PDSS2: variants seen among roughly 807,000 people sequenced by gnomAD.
The protein encoded by PDSS2 is all trans-polyprenyl-diphosphate synthase PDSS2.
In PDSS2, 31 loss-of-function variants were observed where a neutral mutation model predicts 44.5. That is an observed-to-expected ratio of 0.70 (90% CI 0.52 to 0.94). PDSS2 has a LOEUF of 0.94. PDSS2 is among the 40% of genes least tolerant of loss of function. PDSS2 has a pLI of 0.00. For missense variants in PDSS2, 452 were observed against 482.2 expected (o/e 0.94, Z 0.59); for synonymous variants, 157 against 180.3 (o/e 0.87, Z 1.03).
chr6:107,254,220 G>C (rs201074548), intron 3 of PDSS2, among the ~76,000 whole-genome samples: 3 of 151,904 alleles, frequency 2.0e-5, no homozygotes, highest in East Asian at 3.9e-4. Flanking sequence ...TTTTAGTAGA[G>C]ATGGGGTTTC....
At chr6:107,385,335 TA>T (rs201356582) in intron 1 of PDSS2, among the ~76,000 whole-genome samples, 2,843 of 142,160 alleles carry the variant, frequency 0.02, 60 homozygotes, top group East Asian at 0.12. Flanking sequence ...CCCTGTCTCT[TA>T]AAAAAAAAAA....
intron 1 of PDSS2, among the ~76,000 whole-genome samples, chr6:107,359,573 G>A (rs915257537): frequency 3.3e-5 from 5 of 150,034 alleles, no homozygotes; most frequent in African/African-American, 1.2e-4. Flanking sequence ...GCAGTGACCT[G>A]AGATTGTGCC....
intron 1 of PDSS2, among the ~76,000 whole-genome samples, chr6:107,421,010 A>C (rs573114056): frequency 6.6e-6 from 1 of 152,184 alleles, no homozygotes; most frequent in African/African-American, 2.4e-5. Context: ...GGAAACAAAC[A>C]GTCTATTTGA....
At chr6:107,267,216 A>G (rs1775437835) in intron 3 of PDSS2, among the ~76,000 whole-genome samples, 1 of 152,198 alleles carries the variant, frequency 6.6e-6, no homozygotes, top group Non-Finnish European at 1.5e-5. Context: ...AGGTACTATC[A>G]AGGTCCAGAA....
chr6:107,176,993 C>CA (rs1455863444), intron 7 of PDSS2, among the ~76,000 whole-genome samples: 3 of 150,768 alleles, frequency 2.0e-5, no homozygotes, highest in African/African-American at 7.3e-5. Context: ...AAAAAAAAAC[C>CA]AAAAAAACCT....
chr6:107,363,350 G>A (rs1436668444), intron 1 of PDSS2, among the ~76,000 whole-genome samples: 1 of 152,190 alleles, frequency 6.6e-6, no homozygotes, highest in Non-Finnish European at 1.5e-5. Flanking sequence ...AAGGTGGCGC[G>A]TCTGGAGTCT....
rs372362292 is a variant in PDSS2 at position 107,155,057 on chromosome 6, A to C, written c.1042-280T>G. ...GACTCCCATCCCTTAATATCTTGAAATGTGCCATGCTGGGGGATGGCAGTA... is the reference window on the plus strand; with the variant it reads ...GACTCCCATCCCTTAATATCTTGAACTGTGCCATGCTGGGGGATGGCAGTA... On this transcript the variant is annotated intron_variant, in intron 7 of 7. Coordinates refer to ENST00000369037, the MANE Select transcript of PDSS2 (RefSeq NM_020381.4). Among the ~76,000 whole-genome samples, 7 of 151,980 alleles carry C rather than the reference A, an allele frequency of 4.6e-5. No homozygotes were observed. In the South Asian group the frequency reaches 1.0e-3, roughly 23 times the overall value.
intron 7 of PDSS2, among the ~76,000 whole-genome samples, chr6:107,159,480 G>C (rs1437433300): frequency 5.4e-5 from 8 of 149,476 alleles, no homozygotes; most frequent in Non-Finnish European, 1.0e-4. Context: ...GCAGTGGCGC[G>C]ATCTTGGCTC....
intron 2 of PDSS2, among the ~76,000 whole-genome samples, chr6:107,321,382 G>C (rs1187479042): frequency 6.6e-6 from 1 of 152,156 alleles, no homozygotes; most frequent in African/African-American, 2.4e-5. Flanking sequence ...AGAAGGTACT[G>C]TTTAGTAAGA....
intron 4 of PDSS2, among the ~76,000 whole-genome samples, chr6:107,219,883 T>G (rs746133740): frequency 6.6e-6 from 1 of 152,224 alleles, no homozygotes; most frequent in Non-Finnish European, 1.5e-5. Context: ...GTGTTTTAAA[T>G]GTTAAAAGCT....
At position 107,210,439 on chromosome 6, in the gene PDSS2, C is replaced by G; in HGVS notation, c.1008G>C (p.Glu336Asp). ...GRDLWIKQIG[E>D]AQEKGRLDYA... Reference sequence around the variant, plus strand: ...TAAAACAGGAGTAATTTCATTTTACCTCTCCGATCTGTTTAATCCACAAAT... The same window carrying G: ...TAAAACAGGAGTAATTTCATTTTACGTCTCCGATCTGTTTAATCCACAAAT... Residue 336 changes from glutamate to aspartate, a missense_variant and splice_region_variant, in exon 6 of 8, where the codon GAG becomes GAC. Coordinates refer to ENST00000369037, the MANE Select transcript of PDSS2 (RefSeq NM_020381.4). 13 of 1,605,156 alleles carry G rather than the reference C, an allele frequency of 8.1e-6. No homozygotes were observed. The highest frequency in any genetic ancestry group is 1.1e-5 in the Non-Finnish European group (13 of 1,172,636).
intron 1 of PDSS2, among the ~76,000 whole-genome samples, chr6:107,458,426 A>AAAAAAAAAAAAC (rs1562555803): frequency 7.1e-6 from 1 of 140,390 alleles, no homozygotes; most frequent in African/African-American, 2.5e-5. Context: ...AAAAAAAAAA[A>AAAAAAAAAAAAC]AAAAAACTTT....
At chr6:107,249,218 T>G (rs1386574930) in intron 3 of PDSS2, among the ~76,000 whole-genome samples, 2 of 152,148 alleles carry the variant, frequency 1.3e-5, no homozygotes, top group African/African-American at 4.8e-5. Context: ...TTTCAGTGAG[T>G]GTTAACTTAT....
chr6:107,153,560 C>T lies in PDSS2; in HGVS notation c.*1059G>A, dbSNP rs1770779357. ...ATACATTTCACTTGAAAAAAAGCTC[C>T]TTTTTCCTTAAAGAAAAAAAAAATT... On this transcript the variant is annotated 3_prime_UTR_variant, in exon 8 of 8. Transcript: ENST00000369037. 1.3e-5 allele frequency: 2 copies of T among 152,476 alleles called. No individual in the cohort carries two copies. The highest frequency in any genetic ancestry group is 4.8e-5 in the African/African-American group (2 of 41,462). The allele number at this position is 152,476 out of a possible 1,614,324, so 9.4% of individuals were successfully genotyped here. A position where few individuals can be genotyped will look rare whatever the true frequency, so the allele number is the denominator to read the frequency against.
chr6:107,248,185 C>T (rs1003462112), intron 3 of PDSS2, among the ~76,000 whole-genome samples: 1 of 152,062 alleles, frequency 6.6e-6, no homozygotes, highest in Admixed American at 6.6e-5. Flanking sequence ...TTAGATACTG[C>T]TATACTTACA....
intron 2 of PDSS2, among the ~76,000 whole-genome samples, chr6:107,294,475 G>A (rs1335392928): frequency 6.6e-6 from 1 of 151,766 alleles, no homozygotes; most frequent in Admixed American, 6.6e-5. Flanking sequence ...TTAAACTGCT[G>A]GCCTCAAGTG....
intron 3 of PDSS2, among the ~76,000 whole-genome samples, chr6:107,256,536 C>G (rs1775029201): frequency 6.6e-6 from 1 of 152,154 alleles, no homozygotes; most frequent in Non-Finnish European, 1.5e-5. Flanking sequence ...ACTCTAAAGG[C>G]AGGCACAGAA....
At chr6:107,250,258 C>T (rs952272093) in intron 3 of PDSS2, among the ~76,000 whole-genome samples, 2 of 150,698 alleles carry the variant, frequency 1.3e-5, no homozygotes, top group Admixed American at 6.6e-5. Context: ...AAGCTATTTA[C>T]AAAATAGAAG....
Position 107,212,151 on chromosome 6 carries a change from A to G in PDSS2, c.834T>C (p.Asn278=), listed in dbSNP as rs1773240782. The change falls in exon 5 of 8, where the codon AAT becomes AAC. Residue 278 remains asparagine (N), a synonymous_variant. Transcript: ENST00000369037. ...TGTGCTTCCCATACTGAAATGCCATATTCTGAACCTCAGCATCATGCTTTG... is the reference window on the plus strand; with the variant it reads ...TGTGCTTCCCATACTGAAATGCCATGTTCTGAACCTCAGCATCATGCTTTG... ...ELAKHDAEVQ[N]MAFQYGKHMA... The G allele has an allele frequency of 1.2e-6, 2 of 1,614,048 alleles. No homozygotes were observed. Among genetic ancestry groups the G allele is most frequent in the Non-Finnish European group, 1.7e-6 (2 of 1,179,998 alleles).
Sources: gnomAD v4.1 joint callset for allele counts (sites outside exome capture counted in the v4.1 genomes callset) on GRCh38, gnomAD v4.1.1 for gene constraint, MANE v1.5 for transcripts, NCBI Gene and HGNC (gene_info 2026-07-23, HGNC 2026-07-21) for gene names.